ASCC3: variants seen among roughly 807,000 people sequenced by gnomAD.
ASCC3 encodes the protein ASC-1 complex subunit P200.
Under a neutral mutation model 256.3 loss-of-function variants are expected in ASCC3, and 158 were observed. That is an observed-to-expected ratio of 0.62 (90% CI 0.54 to 0.70). The LOEUF is 0.70. Among genes scored for constraint, ASCC3 ranks in the 30% least tolerant of loss-of-function variants. ASCC3 has a pLI of 0.00. For missense variants in ASCC3, 2,259 were observed against 2,626.0 expected, an observed-to-expected ratio of 0.86 and a Z score of 3.05; for synonymous variants, 948 against 883.4, an observed-to-expected ratio of 1.07 and a Z score of -1.30.
At chr6:100,790,005 C>A (rs1191488519) in intron 8 of ASCC3, among the ~76,000 whole-genome samples, 1 of 151,932 alleles carries the variant, frequency 6.6e-6, no homozygotes, top group Non-Finnish European at 1.5e-5. Flanking sequence ...CCTCTCTAAA[C>A]CTCTTGCTGT....
At chr6:100,707,144 T>C (rs547792449) in intron 13 of ASCC3, among the ~76,000 whole-genome samples, 7 of 152,150 alleles carry the variant, frequency 4.6e-5, no homozygotes, top group Non-Finnish European at 1.0e-4. Flanking sequence ...TATGATGATA[T>C]ACTGAGAACT....
chr6:100,521,264 T>C (rs1176532120), intron 37 of ASCC3, among the ~76,000 whole-genome samples: 1 of 152,156 alleles, frequency 6.6e-6, no homozygotes. Flanking sequence ...TGCTGGTAAT[T>C]TGAATACGCC....
chr6:100,717,706 T>C (rs1779147707), intron 12 of ASCC3, among the ~76,000 whole-genome samples: 1 of 152,098 alleles, frequency 6.6e-6, no homozygotes, highest in Non-Finnish European at 1.5e-5. Context: ...TAAATGAATA[T>C]CATCACAATA....
intron 3 of ASCC3, chr6:100,857,990 C>T (rs1773039608): frequency 6.4e-6 from 1 of 156,238 alleles, no homozygotes; most frequent in Admixed American, 6.6e-5. Context: ...GTGAGTCTTC[C>T]AATTCTTGGT....
intron 4 of ASCC3, among the ~76,000 whole-genome samples, chr6:100,811,850 A>AGAAAT (rs1770485766): frequency 6.6e-6 from 1 of 152,194 alleles, no homozygotes. Flanking sequence ...GTTCAGGATA[A>AGAAAT]ATGTCAACAC....
Position 100,867,943 on chromosome 6 carries a change from G to C in ASCC3, c.55C>G (p.Gln19Glu). The C allele has an allele frequency of 1.2e-6, 2 of 1,613,594 alleles. No homozygotes were observed. Among genetic ancestry groups the C allele is most frequent in the Non-Finnish European group, 1.7e-6 (2 of 1,179,722 alleles). Residue 19 changes from glutamine (Q) to glutamate (E), a missense_variant, in exon 2 of 42, where the codon CAA becomes GAA. Gln to Glu is a conservative substitution (Grantham distance 29). Transcript: ENST00000369162. ...GCCACTTCTTCATTATAATTATCTT[G>C]CTTGGTGACATTTGAAAAGGAACGC... The part of the protein sequence containing the change: ...ALRSFSNVTK[Q>E]DNYNEEVADL...
rs1773368115 is a variant in ASCC3 at position 100,864,184 on chromosome 6, A to T, written c.121T>A (p.Leu41Ile). The change falls in exon 3 of 42, where the codon TTA (leucine) becomes ATA (isoleucine). Residue 41 changes from leucine to isoleucine, a missense_variant. Leu to Ile is a conservative substitution (Grantham distance 5). Around this residue, in one of 2 missense-constraint regions of ASCC3, gnomAD observed 420 missense variants for 419.3 expected, o/e 1.00. Coordinates refer to ENST00000369162, the MANE Select transcript of ASCC3 (RefSeq NM_006828.4). Reference sequence around the variant, plus strand: ...TTCTTCCATGTCAGGCCCAAATCTAAAACTTGTTCATGAAGTTTAGATCGC... The same window carrying T: ...TTCTTCCATGTCAGGCCCAAATCTATAACTTGTTCATGAAGTTTAGATCGC... Reference protein sequence around the residue: ...IKRSKLHEQVLDLGLTWKKII... With the variant: ...IKRSKLHEQVIDLGLTWKKII... The T allele has an allele frequency of 6.2e-7, 1 of 1,605,894 alleles. No individual in the cohort carries two copies. The highest frequency in any genetic ancestry group is 1.1e-5 in the South Asian group (1 of 90,846).
rs180999369 is a variant in ASCC3 at position 100,620,869 on chromosome 6, A to T, written c.4785+4323T>A. On this transcript the variant is annotated intron_variant, in intron 30 of 41. Coordinates refer to ENST00000369162, the MANE Select transcript of ASCC3 (RefSeq NM_006828.4). ...TAAAATGTTAAAAAGTTTTCCTATTAATTATTTAGGGCTAATTATTTAAGG... is the reference window on the plus strand; with the variant it reads ...TAAAATGTTAAAAAGTTTTCCTATTTATTATTTAGGGCTAATTATTTAAGG... Among the ~76,000 whole-genome samples, 372 of 152,280 alleles carry T rather than the reference A, an allele frequency of 2.4e-3. 2 individuals carry two copies. The highest frequency in any genetic ancestry group is 8.5e-3 in the African/African-American group (353 of 41,558).
intron 8 of ASCC3, among the ~76,000 whole-genome samples, chr6:100,793,565 T>C (rs548586986): frequency 1.3e-5 from 2 of 152,052 alleles, no homozygotes; most frequent in African/African-American, 4.8e-5. Context: ...TTTTTTTTAA[T>C]TTACAGACAT....
chr6:100,604,137 C>A (rs1173601582), intron 33 of ASCC3, among the ~76,000 whole-genome samples: 1 of 152,026 alleles, frequency 6.6e-6, no homozygotes, highest in East Asian at 1.9e-4. Context: ...GATTTTCTAT[C>A]TTTTTGTGTC....
intron 36 of ASCC3, among the ~76,000 whole-genome samples, chr6:100,557,431 T>C (rs991690085): frequency 5.3e-5 from 8 of 152,188 alleles, no homozygotes; most frequent in Non-Finnish European, 1.0e-4. Flanking sequence ...ATGTTGATTT[T>C]AGTATGGATA....
chr6:100,735,061 A>G (rs1780084584), intron 10 of ASCC3, among the ~76,000 whole-genome samples: 1 of 152,220 alleles, frequency 6.6e-6, no homozygotes, highest in African/African-American at 2.4e-5. Context: ...TTAAGGAGGA[A>G]AGTGCTGCTA....
chr6:100,791,959 G>T (rs1172157823), intron 8 of ASCC3, among the ~76,000 whole-genome samples: 1 of 151,892 alleles, frequency 6.6e-6, no homozygotes, highest in Admixed American at 6.6e-5. Flanking sequence ...TAGCAGAATA[G>T]AAAGACATTA....
At chr6:100,875,623 C>G (rs950612847) in intron 1 of ASCC3, among the ~76,000 whole-genome samples, 1 of 152,116 alleles carries the variant, frequency 6.6e-6, no homozygotes, top group Non-Finnish European at 1.5e-5. Flanking sequence ...CCCTAAAGGC[C>G]TCTTGGAAGT....
chr6:100,825,180 T>C (rs1000110974), intron 4 of ASCC3, among the ~76,000 whole-genome samples: 3 of 152,202 alleles, frequency 2.0e-5, no homozygotes, highest in Middle Eastern at 3.4e-3. Context: ...GTCCAACCCG[T>C]GGCCTGTGGG....
At position 100,625,293 on chromosome 6, in the gene ASCC3, C is replaced by G; in HGVS notation, c.4684G>C (p.Val1562Leu). Reference sequence around the variant, plus strand: ...AGACGAGTTTGACGTCTTGATGAGACAAATATCAAAACAGGTTTGGCTGGA... The same window carrying G: ...AGACGAGTTTGACGTCTTGATGAGAGAAATATCAAAACAGGTTTGGCTGGA... ...HSPAKPVLIF[V>L]SSRRQTRLTA... Residue 1562 changes from valine (V) to leucine (L), a missense_variant, in exon 30 of 42, where the codon GTC becomes CTC. This residue lies in a region of ASCC3 where 1,839 missense variants were observed against 2,206.7 expected (regional missense o/e 0.83). Coordinates refer to ENST00000369162, the MANE Select transcript of ASCC3 (RefSeq NM_006828.4). 1 of 1,612,824 alleles carries G rather than the reference C, an allele frequency of 6.2e-7. No homozygotes were observed. Among genetic ancestry groups the G allele is most frequent in the Non-Finnish European group, 8.5e-7 (1 of 1,179,164 alleles).
chr6:100,638,849 C>T (rs200131695), intron 24 of ASCC3, 28 bp from the exon 25 acceptor site: 33 of 1,574,156 alleles, frequency 2.1e-5, no homozygotes, highest in South Asian at 6.6e-5. Flanking sequence ...GATGGCTATA[C>T]GACAATTGAA....
chr6:100,679,992 T>C (rs1777220876), intron 13 of ASCC3, among the ~76,000 whole-genome samples: 1 of 152,228 alleles, frequency 6.6e-6, no homozygotes, highest in Non-Finnish European at 1.5e-5. Context: ...TGGAGTTTAA[T>C]TTGTATGTTT....
intron 34 of ASCC3, among the ~76,000 whole-genome samples, chr6:100,590,819 T>C (rs929835951): frequency 3.3e-5 from 5 of 152,060 alleles, no homozygotes; most frequent in African/African-American, 4.8e-5. Context: ...TTGTGATATT[T>C]TTCATTCTTC....
Sources: gnomAD v4.1 joint callset for allele counts (sites outside exome capture counted in the v4.1 genomes callset) on GRCh38, gnomAD v4.1.1 for gene constraint, gnomAD v4.1.1 regional missense constraint, MANE v1.5 for transcripts, NCBI Gene and HGNC (gene_info 2026-07-23, HGNC 2026-07-21) for gene names.